The following TTC39C variants were observed in gnomAD, a reference collection of about 807,000 sequenced individuals.
TTC39C encodes the protein tetratricopeptide repeat domain 39C.
Under a neutral mutation model 76.3 loss-of-function variants are expected in TTC39C, and 33 were observed. The ratio of observed to expected loss-of-function variants is 0.43; its 90% CI spans 0.33 to 0.58. The LOEUF is 0.58. Ranked by LOEUF, TTC39C falls within the 20% of genes least tolerant of loss-of-function variation. The pLI is 0.04. For synonymous variants in TTC39C, 254 were observed against 260.6 expected (o/e 0.97, Z 0.24); for missense variants, 595 against 701.4 (o/e 0.85, Z 1.71).
chr18:24,103,967 TG>T (rs1458266731), intron 6 of TTC39C, among the ~76,000 whole-genome samples: 112 of 151,906 alleles, frequency 7.4e-4, no homozygotes, highest in Middle Eastern at 3.4e-3. Flanking sequence ...AGTCTTGTTC[TG>T]TCACCCAGGC....
rs370958647 is a variant in TTC39C at position 24,004,194 on chromosome 18, C to T, written c.-17+11156C>T. ...GAGCAGTAAGGGAAGTAAGATTGCTCCTGAGCCCAGCCAGCTGTTGTTCTT... is the reference window on the plus strand; with the variant it reads ...GAGCAGTAAGGGAAGTAAGATTGCTTCTGAGCCCAGCCAGCTGTTGTTCTT... On this transcript the variant is annotated intron_variant, in intron 1 of 13. Transcript: ENST00000304621. Among the ~76,000 whole-genome samples, 33 of 152,336 alleles carry T rather than the reference C, an allele frequency of 2.2e-4. 1 individual carries two copies. In the East Asian group the frequency reaches 4.4e-3, roughly 20 times the overall value.
rs1335907997 is a variant in TTC39C, at chr18:24,064,155, A to G, written c.183A>G (p.Leu61=). 6.2e-7 allele frequency: 1 copy of G among 1,613,796 alleles called. No homozygotes were observed. The highest frequency in any genetic ancestry group is 8.5e-7 in the Non-Finnish European group (1 of 1,179,888). Residue 61 remains leucine (L), a synonymous_variant, in exon 2 of 14, where the codon CTA becomes CTG. Coordinates refer to ENST00000317571, the MANE Select transcript of TTC39C (RefSeq NM_001135993.2). ...LFKQYRNHSP[L]MSFGASFVSF... The stretch of plus-strand genomic sequence containing the variant: ...TTTTTAACAGAAATCATAGCCCACT[A>G]ATGAGTTTTGGAGCCAGCTTTGTCA...
At chr18:24,070,404 T>C (rs1225599236) in intron 4 of TTC39C, among the ~76,000 whole-genome samples, 2 of 152,214 alleles carry the variant, frequency 1.3e-5, no homozygotes, top group African/African-American at 2.4e-5. Context: ...TAATGTCATA[T>C]CCCGCATTTG....
At chr18:24,055,093 G>A (rs1481879127) in intron 1 of TTC39C, among the ~76,000 whole-genome samples, 2 of 152,090 alleles carry the variant, frequency 1.3e-5, no homozygotes, top group African/African-American at 4.8e-5. Context: ...TTTTAAGGCT[G>A]AATGGTATTC....
intron 1 of TTC39C, among the ~76,000 whole-genome samples, chr18:24,042,086 G>A (rs12970226): frequency 0.63 from 95,702 of 152,080 alleles, 34,000 homozygotes; most frequent in Non-Finnish European, 0.82. Context: ...TTTAAGTTTT[G>A]AAGTCGACCC....
intron 1 of TTC39C, chr18:24,022,941 C>T (rs912770150): frequency 5.7e-5 from 53 of 929,774 alleles, no homozygotes; most frequent in Admixed American, 1.9e-4. Context: ...TACCTTTATC[C>T]GGCACTTGTG....
rs184848507 is a variant in TTC39C, at chr18:23,993,462, T to C, written c.-17+424T>C. On this transcript the variant is annotated intron_variant, in intron 1 of 13. Coordinates refer to the TTC39C transcript ENST00000304621. ...CTTGTTATGACTAATTATTATGAAG[T>C]ACACGGACCCCTTTTCATATCAAAT... Among the ~76,000 whole-genome samples the C allele has an allele frequency of 9.8e-5, 15 of 152,348 alleles. No homozygotes were observed. The East Asian group carries it at 2.5e-3, about 25-fold the overall frequency.
At chr18:24,047,561 C>T (rs1359923318) in intron 1 of TTC39C, among the ~76,000 whole-genome samples, 2 of 152,054 alleles carry the variant, frequency 1.3e-5, no homozygotes, top group Non-Finnish European at 2.9e-5. Flanking sequence ...TTCCTTTTCT[C>T]CCTCCCTTTC....
rs759701293 is a variant in TTC39C, at chr18:24,069,167, G to A, written c.356G>A (p.Arg119Gln). 4.0e-5 allele frequency: 64 copies of A among 1,613,484 alleles called. No homozygotes were observed. In the Admixed American group the frequency reaches 5.2e-4, roughly 13 times the overall value. Residue 119 changes from arginine (R) to glutamine (Q), a missense_variant, in exon 4 of 14, where the codon CGA becomes CAA. Transcript: ENST00000317571. The part of the protein sequence containing the change: ...KNKIKKNVDV[R>Q]KSAPSMVDRL... ...CTTTCTGCCAAACAGGTTGATGTCC[G>A]AAAATCCGCCCCCTCTATGGTTGAT...
In TTC39C at chr18:24,129,050, T is replaced by C. The variant is rs2085088215; in HGVS notation, c.1518+67T>C. ...GAACACCTACGTATATGCTTGTGAA[T>C]AAGAAAAATGAAAAAGCACTGAACG... On this transcript the variant is annotated intron_variant, in intron 11 of 13. Transcript: ENST00000317571. The C allele has an allele frequency of 7.0e-6, 9 of 1,291,148 alleles. No individual in the cohort carries two copies. The Admixed American group carries it at 1.6e-4, about 23-fold the overall frequency. 80.0% of individuals were successfully genotyped at this position (1,291,148 alleles called of 1,614,324 possible). A position where few individuals can be genotyped will look rare whatever the true frequency, so the allele number is the denominator to read the frequency against.
intron 1 of TTC39C, among the ~76,000 whole-genome samples, chr18:24,037,018 T>C (rs551466558): frequency 1.3e-5 from 2 of 152,292 alleles, no homozygotes; most frequent in African/African-American, 4.8e-5. Context: ...GGATGCTTTT[T>C]ATTTCTTTTC....
intron 1 of TTC39C, chr18:24,019,817 T>C (rs1479293396): frequency 6.8e-7 from 1 of 1,476,690 alleles, no homozygotes; most frequent in Non-Finnish European, 9.1e-7. Context: ...AGAGACCATA[T>C]GGCATGCAAA....
chr18:24,126,252 G>T (rs1599351830), intron 10 of TTC39C, among the ~76,000 whole-genome samples: 2 of 152,168 alleles, frequency 1.3e-5, no homozygotes, highest in Admixed American at 6.5e-5. Flanking sequence ...ATTTTCCCAA[G>T]AAATTAGTAT....
intron 1 of TTC39C, among the ~76,000 whole-genome samples, chr18:23,995,146 G>A (rs558337584): frequency 5.9e-5 from 9 of 152,130 alleles, no homozygotes; most frequent in South Asian, 2.1e-4. Context: ...CACTAATCCC[G>A]ATAATTTTGT....
intron 6 of TTC39C, among the ~76,000 whole-genome samples, chr18:24,107,547 G>A (rs369462239): frequency 6.6e-6 from 1 of 152,108 alleles, no homozygotes; most frequent in African/African-American, 2.4e-5. Context: ...AGATCTGATG[G>A]TTTTATAAGG....
At chr18:24,092,008 G>T (rs7237494) in intron 6 of TTC39C, among the ~76,000 whole-genome samples, 18,386 of 144,436 alleles carry the variant, frequency 0.13, 1,510 homozygotes, top group African/African-American at 0.24. Flanking sequence ...CAGGAGAATG[G>T]TGTGAACCTT....
At chr18:24,069,121 T>G (rs1433101231) in intron 3 of TTC39C, 36 bp from the exon 4 acceptor site, 1 of 1,486,534 alleles carries the variant, frequency 6.7e-7, no homozygotes, top group Non-Finnish European at 9.4e-7. Flanking sequence ...TTGTTATGTG[T>G]GATTTATCAG....
intron 6 of TTC39C, among the ~76,000 whole-genome samples, chr18:24,104,730 A>ATGTG (rs150461313): frequency 0.057 from 6,899 of 120,986 alleles, 370 homozygotes; most frequent in East Asian, 0.32. Context: ...GTGACTGTGC[A>ATGTG]TGTGTGTGTG....
rs1451682904 is a variant in TTC39C at position 24,020,225 on chromosome 18, T to A, written c.167+5187T>A. Reference sequence around the variant, plus strand: ...CTCAGTGGTGTGTTGGAAAAAGGCATCTTTTTTCCCCCAACTATTACACTG... The same window carrying A: ...CTCAGTGGTGTGTTGGAAAAAGGCAACTTTTTTCCCCCAACTATTACACTG... On this transcript the variant is annotated intron_variant, in intron 1 of 13. Coordinates refer to ENST00000317571, the MANE Select transcript of TTC39C (RefSeq NM_001135993.2). The A allele has an allele frequency of 2.8e-6, 3 of 1,073,160 alleles. No homozygotes were observed. In the African/African-American group the frequency reaches 5.0e-5, roughly 18 times the overall value. The allele number at this position is 1,073,160 out of a possible 1,614,324, so 66.5% of individuals were successfully genotyped here.
Sources: allele counts gnomAD v4.1 joint callset (sites outside exome capture counted in the v4.1 genomes callset), GRCh38; gene constraint gnomAD v4.1.1; transcripts MANE v1.5; gene names NCBI Gene and HGNC (gene_info 2026-07-23, HGNC 2026-07-21).